TRPM5: variants seen among roughly 807,000 people sequenced by gnomAD.
TRPM5 encodes MLSN1 and TRP-related.
Under a neutral mutation model 124.9 loss-of-function variants are expected in TRPM5, and 121 were observed. That is an observed-to-expected ratio of 0.97 (90% CI 0.84 to 1.13). The LOEUF is 1.13. Among genes scored for constraint, TRPM5 ranks in the 50% most tolerant of loss-of-function variants. TRPM5 has a pLI of 0.00. For synonymous variants in TRPM5, 781 were observed against 700.5 expected (o/e 1.11, Z -1.81); for missense variants, 1,643 against 1,589.1 (o/e 1.03, Z -0.58).
chr11:2,413,701 C>A, intron 12 of TRPM5, 113 bp from the exon 18 acceptor site: 1 of 972,296 alleles, frequency 1.0e-6, no homozygotes. Flanking sequence ...GAAGGGGTGC[C>A]CAGCCCAGCC....
At chr11:2,409,265 C>T (rs1349013259) in intron 18 of TRPM5, among the ~76,000 whole-genome samples, 3 of 152,146 alleles carry the variant, frequency 2.0e-5, no homozygotes, top group Non-Finnish European at 4.4e-5. Context: ...TGAATCTGTT[C>T]CTGGGCAGAC....
rs767294383 is a variant in TRPM5 at position 2,411,614 on chromosome 11, C to T, written c.2607+21G>A. The T allele has an allele frequency of 6.8e-6, 11 of 1,612,282 alleles. No individual in the cohort carries two copies. In the South Asian group the frequency reaches 1.2e-4, roughly 18 times the overall value. ...GATTGCTGTCCCTCCAGGGCCAGGG[C>T]CAGGGCCCCCGGGGGCTCACCATGC... On this transcript the variant is annotated intron_variant, in intron 17 of 23. Transcript: ENST00000155858.
intron 7 of TRPM5, 31 bp from the exon 13 acceptor site, chr11:2,416,055 G>A (rs1309851357): frequency 1.9e-6 from 3 of 1,548,704 alleles, no homozygotes; most frequent in Non-Finnish European, 2.7e-6. Context: ...CACTGGTGAG[G>A]GTGGAGCTGA....
chr11:2,433,884 G>A, the TRPM5 span, among the ~76,000 whole-genome samples: 4 of 152,136 alleles, frequency 2.6e-5, no homozygotes, highest in Non-Finnish European at 5.9e-5. Context: ...GGGTGTGTCT[G>A]TGTGACACTG....
At chr11:2,424,240 G>A (rs990395483), upstream of TRPM5, among the ~76,000 whole-genome samples, 2 of 152,260 alleles carry the variant, frequency 1.3e-5, no homozygotes, top group South Asian at 2.1e-4. Flanking sequence ...ATTTCCTAGA[G>A]AGGGGCCCAC....
exon 19 of TRPM5, chr11:2,407,847 A>G: frequency 6.2e-7 from 1 of 1,614,048 alleles, no homozygotes; most frequent in Non-Finnish European, 8.5e-7. Flanking sequence ...CAGTTGGCAT[A>G]GAGGCTGGGG....
intron 19 of TRPM5, 136 bp downstream of exon 24, chr11:2,407,623 C>T (rs1850349895): frequency 2.9e-5 from 34 of 1,188,584 alleles, no homozygotes; most frequent in Non-Finnish European, 4.0e-5. Context: ...GGCTATGCCA[C>T]CTTCTATCTG....
At chr11:2,427,918 C>T (rs1210672483), upstream of TRPM5, among the ~76,000 whole-genome samples, 3 of 152,166 alleles carry the variant, frequency 2.0e-5, no homozygotes, top group East Asian at 1.9e-4. Context: ...CCTGCGAGGC[C>T]GTGGGGCATC....
chr11:2,427,616 G>GC (rs1227477434), upstream of TRPM5, among the ~76,000 whole-genome samples: 1 of 152,268 alleles, frequency 6.6e-6, no homozygotes, highest in African/African-American at 2.4e-5. Flanking sequence ...TGGCACCAAG[G>GC]CCCTGGGGGC....
At chr11:2,426,081 G>A (rs555586899), upstream of TRPM5, among the ~76,000 whole-genome samples, 1 of 152,256 alleles carries the variant, frequency 6.6e-6, no homozygotes, top group East Asian at 1.9e-4. Context: ...CTGACTCTAT[G>A]CAAGACCCCC....
At chr11:2,414,166 G>A in exon 12 of TRPM5, 2 of 1,609,904 alleles carry the variant, frequency 1.2e-6, no homozygotes, top group Non-Finnish European at 1.7e-6. Flanking sequence ...GCAGGGCGAA[G>A]GCGCGGGCCT....
chr11:2,439,682 G>T, the TRPM5 span, among the ~76,000 whole-genome samples: 1 of 152,204 alleles, frequency 6.6e-6, no homozygotes, highest in Non-Finnish European at 1.5e-5. Context: ...AACAATACAT[G>T]CTGGCAAGAG....
At chr11:2,421,148 C>T (rs1341327194) in exon 3 of TRPM5, 10 of 1,542,428 alleles carry the variant, frequency 6.5e-6, no homozygotes, top group South Asian at 4.8e-5. Context: ...ACGGCCTGCC[C>T]GACATGCCTG....
rs953587337 is a variant in TRPM5 at position 2,413,028 on chromosome 11, G to C, written c.2097-16C>G. On this transcript the variant is annotated splice_polypyrimidine_tract_variant and intron_variant, in intron 14 of 23. Coordinates refer to ENST00000155858, the Ensembl canonical transcript of TRPM5. ...CTCCTCCACCCTGTGCCGCAGAGAAGTTCGCAGTGGTGAGGCTGGCGCCCA... is the reference window on the plus strand; with the variant it reads ...CTCCTCCACCCTGTGCCGCAGAGAACTTCGCAGTGGTGAGGCTGGCGCCCA... The C allele has an allele frequency of 4.4e-6, 7 of 1,593,494 alleles. No individual in the cohort carries two copies. The African/African-American group carries it at 9.4e-5, about 21-fold the overall frequency.
the TRPM5 span, among the ~76,000 whole-genome samples, chr11:2,437,879 C>T: frequency 1.3e-5 from 2 of 152,068 alleles, no homozygotes; most frequent in Non-Finnish European, 2.9e-5. This position sits in a 1 kb window ranked among gnomAD's most constrained non-coding sequence, Gnocchi z 5.6. Context: ...AACCAGGAAC[C>T]GCCTGTGGGG....
chr11:2,407,131 G>A (rs1441977633), exon 20 of TRPM5: 4 of 1,596,592 alleles, frequency 2.5e-6, no homozygotes, highest in East Asian at 2.3e-5. Flanking sequence ...AGGTGCTCCC[G>A]CTTGTGCTCA....
rs1589868724 is a variant in TRPM5 at position 2,411,764 on chromosome 11, C to T, written c.2478G>A (p.Met826Ile). 6 of 1,612,500 alleles carry T rather than the reference C, an allele frequency of 3.7e-6. No homozygotes were observed. In the East Asian group the frequency reaches 8.9e-5, roughly 24 times the overall value. The change falls in exon 17 of 24, where the codon ATG (methionine) becomes ATA (isoleucine). Residue 826 changes from methionine to isoleucine, a missense_variant. Met to Ile is a conservative substitution (Grantham distance 10, BLOSUM62 1). Coordinates refer to ENST00000155858, the Ensembl canonical transcript of TRPM5. ...GGCCAGCCTCAAACGCCGACGGCAGCATCCTGGAGGATGGGAGGCTGATGC... is the reference window on the plus strand; with the variant it reads ...GGCCAGCCTCAAACGCCGACGGCAGTATCCTGGAGGATGGGAGGCTGATGC...
chr11:2,415,701 G>T (rs116094895), intron 8 of TRPM5, among the ~76,000 whole-genome samples: 7,779 of 152,274 alleles, frequency 0.051, 591 homozygotes, highest in African/African-American at 0.17. Context: ...TGGGCTTTGG[G>T]GACAGCCGGC....
At chr11:2,435,558 T>C in the TRPM5 span, among the ~76,000 whole-genome samples, 1 of 151,828 alleles carries the variant, frequency 6.6e-6, no homozygotes, top group Non-Finnish European at 1.5e-5. The surrounding 1 kb of genome is among the most constrained non-coding windows in gnomAD (Gnocchi z 4.1). Context: ...TGTCGATTCA[T>C]CCATCTATCC....
Sources: allele counts gnomAD v4.1 joint callset (sites outside exome capture counted in the v4.1 genomes callset), GRCh38; gene constraint gnomAD v4.1.1; non-coding constraint Gnocchi (gnomAD v3.1); transcripts MANE v1.5; gene names NCBI Gene and HGNC (gene_info 2026-07-23, HGNC 2026-07-21).